Variants in TXNRD3 observed in about 807,000 individuals in gnomAD.
TXNRD3 encodes TXNRD3 neighbor gene protein.
TXNRD3 carries 68 observed loss-of-function variants against 78.2 expected under a neutral mutation model. That is an observed-to-expected ratio of 0.87 (90% CI 0.72 to 1.06). The LOEUF is 1.06. Among genes scored for constraint, TXNRD3 ranks in the 50% least tolerant of loss-of-function variants. TXNRD3 has a pLI of 0.00. For missense variants in TXNRD3, 751 were observed against 809.5 expected (o/e 0.93, Z 0.88); for synonymous variants, 296 against 300.1 (o/e 0.99, Z 0.14).
chr3:126,635,987 T>C (rs1006914666), intron 6 of TXNRD3, among the ~76,000 whole-genome samples: 2 of 152,126 alleles, frequency 1.3e-5, no homozygotes, highest in African/African-American at 4.8e-5. Flanking sequence ...GCTGGAGTGC[T>C]ATGGCATGGT....
intron 8 of TXNRD3, among the ~76,000 whole-genome samples, chr3:126,631,202 T>C (rs1938706994): frequency 6.7e-6 from 1 of 149,980 alleles, no homozygotes; most frequent in South Asian, 2.1e-4. Context: ...TTACATGTGA[T>C]AAAAAAAAAA....
intron 1 of TXNRD3, among the ~76,000 whole-genome samples, chr3:126,653,295 T>G (rs1933433008): frequency 6.6e-6 from 1 of 152,214 alleles, no homozygotes; most frequent in Non-Finnish European, 1.5e-5. Context: ...CAATGTTGAG[T>G]GAGCACTTAC....
At position 126,646,143 on chromosome 3, in the gene TXNRD3, C is replaced by T; in HGVS notation, c.382G>A (p.Val128Met). 4.6e-6 allele frequency: 7 copies of T among 1,533,210 alleles called. No individual in the cohort carries two copies. The highest frequency in any genetic ancestry group is 6.1e-6 in the Non-Finnish European group (7 of 1,145,706). 95.0% of individuals were successfully genotyped at this position (1,533,210 alleles called of 1,614,324 possible). A position where few individuals can be genotyped will look rare whatever the true frequency, so the allele number is the denominator to read the frequency against. ...GTTTGGTCACATCCACCTACATGCA[C>T]TTTATTCACGAAAATATTGGGCACA... Residue 128 changes from valine (V) to methionine (M), a missense_variant, in exon 3 of 16, where the codon GTG becomes ATG. Physicochemically the swap from Val to Met is conservative, Grantham distance 21. Transcript: ENST00000524230.
rs1391558487 is a variant in TXNRD3, at chr3:126,647,111, G to T, written c.304+125C>A. 54 of 654,698 alleles carry T rather than the reference G, an allele frequency of 8.2e-5. 1 individual carries two copies. In the South Asian group the frequency reaches 1.3e-3, roughly 16 times the overall value. The allele number at this position is 654,698 out of a possible 1,614,324, so 40.6% of individuals were successfully genotyped here. A position where few individuals can be genotyped will look rare whatever the true frequency, so the allele number is the denominator to read the frequency against. On this transcript the variant is annotated intron_variant, in intron 2 of 15. Transcript: ENST00000524230. Reference sequence around the variant, plus strand: ...GGGTTCATTTTCTGCATGGCTGAATGTAGACAAAAATGCCTCATTTAACCC... The same window carrying T: ...GGGTTCATTTTCTGCATGGCTGAATTTAGACAAAAATGCCTCATTTAACCC...
chr3:126,609,873 G>C (rs1030498477), intron 14 of TXNRD3, among the ~76,000 whole-genome samples: 2 of 152,162 alleles, frequency 1.3e-5, no homozygotes, highest in Admixed American at 6.5e-5. Flanking sequence ...CTCACTTTCA[G>C]AGGGTAACAA....
chr3:126,639,226 T>C (rs1212653549), intron 6 of TXNRD3, among the ~76,000 whole-genome samples: 2 of 152,228 alleles, frequency 1.3e-5, no homozygotes, highest in South Asian at 2.1e-4. Flanking sequence ...CCATTTAGCC[T>C]TTCTGCAGCA....
chr3:126,644,327 A>G lies in TXNRD3; in HGVS notation c.489T>C (p.Gly163=). 6.5e-7 allele frequency: 1 copy of G among 1,536,518 alleles called. No homozygotes were observed. ...CACATGAAAGGCCTCCAGAACCACCACCGATGATGATGAGATCATAATCAT... is the reference window on the plus strand; with the variant it reads ...CACATGAAAGGCCTCCAGAACCACCGCCGATGATGATGAGATCATAATCAT... Residue 163 remains glycine, a synonymous_variant, in exon 4 of 16, where the codon GGT becomes GGC. Coordinates refer to ENST00000524230, the MANE Select transcript of TXNRD3 (RefSeq NM_052883.3).
intron 1 of TXNRD3, among the ~76,000 whole-genome samples, chr3:126,652,317 C>T (rs1933410514): frequency 2.6e-5 from 4 of 152,106 alleles, no homozygotes; most frequent in Admixed American, 2.6e-4. Context: ...TGGCATGATA[C>T]TAAACCATTC....
In TXNRD3 at chr3:126,621,849, C is replaced by T. The variant is rs769977141; in HGVS notation, c.1417G>A (p.Val473Ile). 264 of 1,534,378 alleles carry T rather than the reference C, an allele frequency of 1.7e-4. No homozygotes were observed. The highest frequency in any genetic ancestry group is 2.1e-4 in the Non-Finnish European group (245 of 1,146,536). The change falls in exon 12 of 16, where the codon GTC (valine) becomes ATC (isoleucine). Residue 473 changes from valine (V) to isoleucine (I), a missense_variant. Coordinates refer to ENST00000524230, the MANE Select transcript of TXNRD3 (RefSeq NM_052883.3). The stretch of plus-strand genomic sequence containing the variant: ...TCCAAAATATCACCAACAGCATAGA[C>T]ATATGGCACATTGGTCTGTTCCACA...
Position 126,622,979 on chromosome 3 carries a change from AG to A in TXNRD3, c.1291-440del, listed in dbSNP as rs575027946. Among the ~76,000 whole-genome samples, 1,309 of 152,280 alleles carry A rather than the reference AG, an allele frequency of 8.6e-3. 11 individuals are homozygous for A. Among genetic ancestry groups the A allele is most frequent in the Non-Finnish European group, 0.012 (783 of 68,030 alleles). On this transcript the variant is annotated intron_variant, in intron 10 of 15. Transcript: ENST00000524230. ...GAAGACAGTCATGTACAAGCCTAGG[AG>A]AGAGGCCTCAGAAGAAACCAACCCT...
At chr3:126,649,837 T>C (rs1180186249) in intron 1 of TXNRD3, among the ~76,000 whole-genome samples, 1 of 152,110 alleles carries the variant, frequency 6.6e-6, no homozygotes, top group Non-Finnish European at 1.5e-5. Flanking sequence ...CATGAGGGGC[T>C]GGGAGAAGGA....
At chr3:126,623,945 A>C (rs1938514603) in intron 10 of TXNRD3, among the ~76,000 whole-genome samples, 1 of 151,886 alleles carries the variant, frequency 6.6e-6, no homozygotes, top group African/African-American at 2.4e-5. Flanking sequence ...AAGAAGCTAC[A>C]AGGTCAATAT....
rs1938192987 is a variant in TXNRD3 at position 126,611,253 on chromosome 3, G to C, written c.1633-121C>G. 4 of 537,194 alleles carry C rather than the reference G, an allele frequency of 7.4e-6. No individual in the cohort carries two copies. In the South Asian group the frequency reaches 2.1e-4, roughly 28 times the overall value. 33.3% of individuals were successfully genotyped at this position (537,194 alleles called of 1,614,324 possible). A position where few individuals can be genotyped will look rare whatever the true frequency, so the allele number is the denominator to read the frequency against. ...GCAGCTTTCGGAAATTCAAAGTTCA[G>C]TGACCCCAACTTTATGTATCTGTTG... On this transcript the variant is annotated intron_variant, in intron 13 of 15. Coordinates refer to ENST00000524230, the MANE Select transcript of TXNRD3 (RefSeq NM_052883.3).
rs983979505 is a variant in TXNRD3 at position 126,644,378 on chromosome 3, C to T, written c.438G>A (p.Gln146=). 6.5e-7 allele frequency: 1 copy of T among 1,536,128 alleles called. No homozygotes were observed. The highest frequency in any genetic ancestry group is 8.7e-7 in the Non-Finnish European group (1 of 1,146,876). ...ATGCCAAATCTTCCTGAAGGAGCTT[C>T]TGTAACAAACCACTCTGATATGCCT... The change falls in exon 4 of 16, where the codon CAG becomes CAA. Residue 146 remains glutamine (Q), a synonymous_variant. Coordinates refer to ENST00000524230, the MANE Select transcript of TXNRD3 (RefSeq NM_052883.3).
intron 15 of TXNRD3, 120 bp downstream of exon 15, chr3:126,608,378 TA>T: frequency 8.8e-7 from 1 of 1,138,560 alleles, no homozygotes; most frequent in Non-Finnish European, 1.2e-6. Context: ...TAAAATGAAA[TA>T]AAATAAATTT....
At position 126,644,333 on chromosome 3, in the gene TXNRD3, G is replaced by C. The variant is rs1933178159; in HGVS notation, c.483C>G (p.Ile161Met). 6.5e-7 allele frequency: 1 copy of C among 1,536,338 alleles called. No individual in the cohort carries two copies. Among genetic ancestry groups the C allele is most frequent in the Non-Finnish European group, 8.7e-7 (1 of 1,146,994 alleles). The change falls in exon 4 of 16, where the codon ATC becomes ATG. Residue 161 changes from isoleucine (I) to methionine (M), a missense_variant. Ile to Met is a conservative substitution (Grantham distance 10, BLOSUM62 1). Transcript: ENST00000524230. The stretch of plus-strand genomic sequence containing the variant: ...AAAGGCCTCCAGAACCACCACCGAT[G>C]ATGATGAGATCATAATCATATGCCA...
chr3:126,614,679 T>C (rs1326757222), intron 13 of TXNRD3, among the ~76,000 whole-genome samples: 1 of 152,190 alleles, frequency 6.6e-6, no homozygotes, highest in East Asian at 1.9e-4. Flanking sequence ...CCTTAGGCCA[T>C]TTAACTAGGG....
intron 13 of TXNRD3, 135 bp downstream of exon 13, chr3:126,615,220 C>T (rs749764359): frequency 6.3e-6 from 3 of 473,376 alleles, no homozygotes; most frequent in Non-Finnish European, 7.4e-6. Context: ...TCCTAATTTT[C>T]CTAAAATAGG....
At chr3:126,613,741 C>A (rs1938246636) in intron 13 of TXNRD3, among the ~76,000 whole-genome samples, 1 of 152,236 alleles carries the variant, frequency 6.6e-6, no homozygotes, top group African/African-American at 2.4e-5. Flanking sequence ...TGACACTGCA[C>A]TGCCAGTCTC....
Sources: gnomAD v4.1 joint callset for allele counts (sites outside exome capture counted in the v4.1 genomes callset) on GRCh38, gnomAD v4.1.1 for gene constraint, MANE v1.5 for transcripts, NCBI Gene and HGNC (gene_info 2026-07-23, HGNC 2026-07-21) for gene names.